Variants in DENND1A observed in about 807,000 individuals in gnomAD.
DENND1A encodes the protein DENN domain containing 1A, also known as DENN domain-containing protein 1A.
In DENND1A, 51 loss-of-function variants were observed where a neutral mutation model predicts 113.7. The ratio of observed to expected loss-of-function variants is 0.45; its 90% CI spans 0.36 to 0.57. DENND1A has a LOEUF of 0.57. DENND1A is among the 20% of genes least tolerant of loss of function. The pLI, the probability that DENND1A is intolerant of heterozygous loss-of-function variation, is 0.00. For synonymous variants in DENND1A, 565 were observed against 570.8 expected (o/e 0.99, Z 0.14); for missense variants, 1,258 against 1,395.9 (o/e 0.90, Z 1.57).
chr9:123,414,003 A>T, intron 19 of DENND1A: 1 of 989,198 alleles, frequency 1.0e-6, no homozygotes, highest in Non-Finnish European at 1.2e-6. Flanking sequence ...CGGGGGAACC[A>T]TCTTCTCCAG....
At chr9:123,896,360 T>C (rs866503587) in intron 1 of DENND1A, among the ~76,000 whole-genome samples, 44 of 151,560 alleles carry the variant, frequency 2.9e-4, no homozygotes, top group Non-Finnish European at 1.9e-4. Flanking sequence ...CCCCAGAATT[T>C]AAACCGAAGT....
chr9:123,591,710 G>A lies in DENND1A; in HGVS notation c.766-8440C>T, dbSNP rs115977109. ...ATTAACTGGGGAATGAGAAACGACT[G>A]TGGCTAGATCCACTCTACTGGGAGG... On this transcript the variant is annotated intron_variant, in intron 11 of 23. Coordinates refer to ENST00000394215, the MANE Select transcript of DENND1A (RefSeq NM_001352964.2). Among the ~76,000 whole-genome samples, 669 of 152,360 alleles carry A rather than the reference G, an allele frequency of 4.4e-3. 5 individuals carry two copies. Among genetic ancestry groups the A allele is most frequent in the African/African-American group, 0.016 (646 of 41,576 alleles).
At chr9:123,924,784 C>T (rs1464786995) in intron 1 of DENND1A, among the ~76,000 whole-genome samples, 1 of 152,196 alleles carries the variant, frequency 6.6e-6, no homozygotes, top group Non-Finnish European at 1.5e-5. Context: ...CAGGGTCTCT[C>T]CCTCTGACCT....
intron 1 of DENND1A, among the ~76,000 whole-genome samples, chr9:123,911,502 A>C (rs574201098): frequency 1.3e-5 from 2 of 152,238 alleles, no homozygotes; most frequent in Non-Finnish European, 2.9e-5. Context: ...AATAGCCAAA[A>C]ATGGGAATCG....
intron 20 of DENND1A, 183 bp from the exon 21 acceptor site, chr9:123,403,673 T>A: frequency 1.7e-6 from 1 of 599,300 alleles, no homozygotes. Context: ...GACAGACACA[T>A]TAACTGGAAT....
intron 2 of DENND1A, among the ~76,000 whole-genome samples, chr9:123,845,179 C>T (rs559423083): frequency 6.6e-6 from 1 of 151,930 alleles, no homozygotes; most frequent in Admixed American, 6.6e-5. Flanking sequence ...AAGGTTGTGC[C>T]ACTACACTCC....
intron 8 of DENND1A, among the ~76,000 whole-genome samples, 198 bp downstream of exon 8, chr9:123,666,828 T>C (rs2063514442): frequency 5.3e-5 from 8 of 152,208 alleles, no homozygotes; most frequent in Admixed American, 5.2e-4. Flanking sequence ...ATACTTTCTA[T>C]ACTTTGCAAA....
At chr9:123,836,561 C>T (rs1323314441) in intron 2 of DENND1A, among the ~76,000 whole-genome samples, 3 of 151,712 alleles carry the variant, frequency 2.0e-5, no homozygotes, top group Non-Finnish European at 4.4e-5. Flanking sequence ...GAAAGGTAGC[C>T]AAAAAGGTGG....
chr9:123,608,372 T>C (rs930929300), intron 11 of DENND1A, among the ~76,000 whole-genome samples: 1 of 152,100 alleles, frequency 6.6e-6, no homozygotes, highest in Non-Finnish European at 1.5e-5. Context: ...AGAAGAGAAG[T>C]AGCACTTCCT....
chr9:123,697,880 G>T (rs751220665), intron 5 of DENND1A, among the ~76,000 whole-genome samples: 1 of 152,120 alleles, frequency 6.6e-6, no homozygotes, highest in Non-Finnish European at 1.5e-5. Flanking sequence ...AAAGTGAAAA[G>T]ACATTCTAAA....
chr9:123,416,852 C>G (rs116569298), intron 19 of DENND1A, among the ~76,000 whole-genome samples: 1,945 of 152,286 alleles, frequency 0.013, 36 homozygotes, highest in African/African-American at 0.045. Flanking sequence ...GGGGCCAGGA[C>G]CAGGGGGATT....
At position 123,382,045 on chromosome 9, in the gene DENND1A, T is replaced by A. The variant is rs993609484; in HGVS notation, c.2600A>T (p.Asn867Ile). The A allele has an allele frequency of 2.0e-6, 3 of 1,481,218 alleles. No individual in the cohort carries two copies. The highest frequency in any genetic ancestry group is 1.8e-6 in the Non-Finnish European group (2 of 1,118,460). The allele number at this position is 1,481,218 out of a possible 1,614,324, so 91.8% of individuals were successfully genotyped here. Residue 867 changes from asparagine to isoleucine, a missense_variant, in exon 24 of 24, where the codon AAT becomes ATT. Transcript: ENST00000394215. ...STLPSRPATPNVATPFTPQFS... is the reference protein window; with the variant it reads ...STLPSRPATPIVATPFTPQFS... ...TTGGGGGGTGAATGGGGTGGCTACA[T>A]TCGGGGTGGCGGGGCGTGACGGGAG...
chr9:123,904,062 C>A (rs1416836221), intron 1 of DENND1A, among the ~76,000 whole-genome samples: 1 of 152,068 alleles, frequency 6.6e-6, no homozygotes, highest in Non-Finnish European at 1.5e-5. Flanking sequence ...GGTTCCCTGA[C>A]CCCTGACCCC....
At chr9:123,752,394 T>G (rs1272328886) in intron 5 of DENND1A, among the ~76,000 whole-genome samples, 1 of 152,208 alleles carries the variant, frequency 6.6e-6, no homozygotes, top group East Asian at 1.9e-4. Flanking sequence ...GGAAAAAAGT[T>G]TTTTCTTTCC....
chr9:123,393,528 C>T (rs527305864), intron 21 of DENND1A, among the ~76,000 whole-genome samples: 208 of 146,376 alleles, frequency 1.4e-3, no homozygotes, highest in African/African-American at 5.0e-3. Flanking sequence ...TAGACCGCAT[C>T]TTAAAAAAAT....
Position 123,382,382 on chromosome 9 carries a change from G to A in DENND1A, c.2263C>T (p.Leu755=). ...SDKEEVPTPT[L]GSITIPRPQG... is the part of the protein sequence containing the mutation. ...GGCCGGGGGATGGTGATGCTGCCCA[G>A]AGTAGGGGTGGGCACCTCCTCCTTG... Residue 755 remains leucine, a synonymous_variant, in exon 24 of 24, where the codon CTG becomes TTG. Coordinates refer to ENST00000394215, the MANE Select transcript of DENND1A (RefSeq NM_001352964.2). The A allele has an allele frequency of 3.1e-6, 5 of 1,598,782 alleles. No individual in the cohort carries two copies. Among genetic ancestry groups the A allele is most frequent in the Non-Finnish European group, 4.3e-6 (5 of 1,172,570 alleles).
chr9:123,781,696 C>T (rs1564258840), intron 3 of DENND1A, among the ~76,000 whole-genome samples: 2 of 152,156 alleles, frequency 1.3e-5, no homozygotes, highest in Admixed American at 1.3e-4. Context: ...GTAGTCTTTG[C>T]CCAAAGTGTC....
At chr9:123,812,393 C>T (rs1484412948) in intron 2 of DENND1A, among the ~76,000 whole-genome samples, 4 of 151,094 alleles carry the variant, frequency 2.6e-5, no homozygotes, top group African/African-American at 4.9e-5. Flanking sequence ...CATTTTTTCC[C>T]TGTTGATGAT....
chr9:123,472,575 G>A (rs941373472), intron 13 of DENND1A, among the ~76,000 whole-genome samples: 4 of 151,848 alleles, frequency 2.6e-5, no homozygotes, highest in African/African-American at 7.3e-5. Context: ...ACAGTGCCTC[G>A]AGTGTCCAGG....
Sources: gnomAD v4.1 joint callset for allele counts (sites outside exome capture counted in the v4.1 genomes callset) on GRCh38, gnomAD v4.1.1 for gene constraint, MANE v1.5 for transcripts, NCBI Gene and HGNC (gene_info 2026-07-23, HGNC 2026-07-21) for gene names.